Variants in DENND1A observed in about 807,000 individuals in gnomAD.
The protein encoded by DENND1A is DENN domain containing 1A, also known as DENN domain-containing protein 1A.
DENND1A carries 51 observed loss-of-function variants against 113.7 expected under a neutral mutation model. The ratio of observed to expected loss-of-function variants is 0.45; its 90% CI spans 0.36 to 0.57. DENND1A has a LOEUF of 0.57. DENND1A is among the 20% of genes least tolerant of loss of function. The pLI is 0.00. For synonymous variants in DENND1A, 565 were observed against 570.8 expected, an observed-to-expected ratio of 0.99 and a Z score of 0.14; for missense variants, 1,258 against 1,395.9, an observed-to-expected ratio of 0.90 and a Z score of 1.57.
intron 9 of DENND1A, among the ~76,000 whole-genome samples, chr9:123,635,872 T>G (rs2138828342): frequency 6.6e-6 from 1 of 152,338 alleles, no homozygotes; most frequent in African/African-American, 2.4e-5. Context: ...TCTGCTAACT[T>G]TTTGACCTGG....
chr9:123,855,117 G>A (rs1473783383), intron 2 of DENND1A, among the ~76,000 whole-genome samples: 1 of 151,222 alleles, frequency 6.6e-6, no homozygotes, highest in African/African-American at 2.5e-5. Context: ...ACATTGCCTT[G>A]CTTATTTGGA....
intron 12 of DENND1A, among the ~76,000 whole-genome samples, chr9:123,576,893 TTC>T (rs1294152521): frequency 6.6e-6 from 1 of 152,238 alleles, no homozygotes; most frequent in Non-Finnish European, 1.5e-5. Flanking sequence ...TCATACCTTT[TTC>T]TCTCTGGCTA....
intron 3 of DENND1A, among the ~76,000 whole-genome samples, chr9:123,790,811 T>C (rs1054151322): frequency 6.6e-6 from 1 of 152,178 alleles, no homozygotes; most frequent in Non-Finnish European, 1.5e-5. Flanking sequence ...TACGTACACA[T>C]ACACTCTCCT....
intron 11 of DENND1A, among the ~76,000 whole-genome samples, chr9:123,587,984 T>C (rs1353388060): frequency 6.6e-6 from 1 of 152,010 alleles, no homozygotes; most frequent in African/African-American, 2.4e-5. Flanking sequence ...TTCCTTTTTA[T>C]CATAAAAAAT....
chr9:123,651,389 C>T (rs948829713), intron 9 of DENND1A, among the ~76,000 whole-genome samples: 4 of 152,122 alleles, frequency 2.6e-5, no homozygotes, highest in Admixed American at 1.3e-4. Context: ...AGCACATGCA[C>T]GTACACACGT....
At chr9:123,423,079 C>A (rs780720530) in intron 19 of DENND1A, among the ~76,000 whole-genome samples, 1 of 152,312 alleles carries the variant, frequency 6.6e-6, no homozygotes, top group African/African-American at 2.4e-5. Context: ...AGGGGAGGGG[C>A]GCCCACTCCA....
chr9:123,508,975 C>T (rs573056138), intron 13 of DENND1A, among the ~76,000 whole-genome samples: 1 of 152,278 alleles, frequency 6.6e-6, no homozygotes, highest in African/African-American at 2.4e-5. Context: ...ACAAAATGCA[C>T]ATGTACGTCA....
In DENND1A at chr9:123,457,355, C is replaced by T; in HGVS notation, c.1179G>A (p.Glu393=). The change falls in exon 15 of 24, where the codon GAG becomes GAA. Residue 393 remains glutamate, a synonymous_variant. Transcript: ENST00000394215. The part of the protein sequence containing the change: ...DVFEEEINMG[E]YAGSDKLYHQ... ...AAATGAGTTGCTTCTCACCAGCGTA[C>T]TCGCCCATGTTGATTTCCTCTTCAA... 6.2e-7 allele frequency: 1 copy of T among 1,613,740 alleles called. No individual in the cohort carries two copies. Among genetic ancestry groups the T allele is most frequent in the Non-Finnish European group, 8.5e-7 (1 of 1,179,594 alleles).
At chr9:123,733,319 G>A (rs1219740030) in intron 5 of DENND1A, among the ~76,000 whole-genome samples, 1 of 152,046 alleles carries the variant, frequency 6.6e-6, no homozygotes, top group Non-Finnish European at 1.5e-5. Context: ...TGACTCTGTT[G>A]CCCAGGCTGG....
Position 123,845,670 on chromosome 9 carries a change from C to CAAAAAAAAAAAAAAAA in DENND1A, c.88+33265_88+33280dup, listed in dbSNP as rs555731367. ...GGGTGACCAAGTGAGAACCTGTCTC[C>CAAAAAAAAAAAAAAAA]AAAAAAAAAAAAAAAAAAAAAAAAA... On this transcript the variant is annotated intron_variant, in intron 2 of 23. Coordinates refer to ENST00000394215, the MANE Select transcript of DENND1A (RefSeq NM_001352964.2). 1.7e-3 allele frequency among the ~76,000 whole-genome samples: 74 copies of CAAAAAAAAAAAAAAAA among 44,090 alleles called. 2 individuals are homozygous for CAAAAAAAAAAAAAAAA. Among genetic ancestry groups the CAAAAAAAAAAAAAAAA allele is most frequent in the African/African-American group, 4.1e-3 (53 of 12,916 alleles). 28.9% of individuals were successfully genotyped at this position (44,090 alleles called of 152,430 possible).
chr9:123,521,188 C>T (rs1471874551), intron 13 of DENND1A, among the ~76,000 whole-genome samples: 2 of 152,124 alleles, frequency 1.3e-5, no homozygotes, highest in Non-Finnish European at 2.9e-5. Flanking sequence ...CCTTTAGGGG[C>T]CAGTGCACCG....
intron 13 of DENND1A, among the ~76,000 whole-genome samples, chr9:123,462,241 C>T (rs1362145882): frequency 3.9e-5 from 6 of 152,274 alleles, no homozygotes; most frequent in South Asian, 2.1e-4. Flanking sequence ...CACAGTGCTA[C>T]GCACTTCACA....
intron 8 of DENND1A, among the ~76,000 whole-genome samples, chr9:123,665,432 CA>C (rs1037976515): frequency 6.6e-6 from 1 of 151,256 alleles, no homozygotes; most frequent in Non-Finnish European, 1.5e-5. Flanking sequence ...TAGTTAATGT[CA>C]AAAAAAAGGA....
intron 2 of DENND1A, among the ~76,000 whole-genome samples, chr9:123,840,020 T>C (rs1168934690): frequency 6.6e-6 from 1 of 152,158 alleles, no homozygotes; most frequent in East Asian, 1.9e-4. Context: ...ATAATTTCTT[T>C]TGAATTAAAT....
At chr9:123,720,422 A>T (rs899840332) in intron 5 of DENND1A, among the ~76,000 whole-genome samples, 1 of 152,182 alleles carries the variant, frequency 6.6e-6, no homozygotes, top group African/African-American at 2.4e-5. Context: ...AGGAAGAAAG[A>T]TTGGTCCGAG....
At chr9:123,877,519 C>G (rs753569672) in intron 2 of DENND1A, among the ~76,000 whole-genome samples, 13 of 148,702 alleles carry the variant, frequency 8.7e-5, no homozygotes, top group Non-Finnish European at 1.9e-4. Flanking sequence ...AAAATACTTG[C>G]AAAACAAAAA....
intron 5 of DENND1A, among the ~76,000 whole-genome samples, chr9:123,699,666 A>C (rs1385294634): frequency 2.1e-5 from 3 of 144,376 alleles, no homozygotes; most frequent in African/African-American, 7.7e-5. Context: ...TTTTTAATAG[A>C]CTACCCTTTC....
chr9:123,818,295 G>T (rs1269946404), intron 2 of DENND1A, among the ~76,000 whole-genome samples: 1 of 151,650 alleles, frequency 6.6e-6, no homozygotes. Context: ...TAGTACAGAC[G>T]GGGTTTCACC....
chr9:123,546,404 T>G (rs1383926572), intron 13 of DENND1A, among the ~76,000 whole-genome samples: 1 of 149,374 alleles, frequency 6.7e-6, no homozygotes, highest in Non-Finnish European at 1.5e-5. Context: ...AAAAAAAAAG[T>G]AGCCGGGCGT....
Sources: gnomAD v4.1 joint callset for allele counts (sites outside exome capture counted in the v4.1 genomes callset) on GRCh38, gnomAD v4.1.1 for gene constraint, MANE v1.5 for transcripts, NCBI Gene and HGNC (gene_info 2026-07-23, HGNC 2026-07-21) for gene names.